SLC1A4: variants seen among roughly 807,000 people sequenced by gnomAD.
SLC1A4 encodes neutral amino acid transporter A.
Under a neutral mutation model 37.7 loss-of-function variants are expected in SLC1A4, and 19 were observed. That is an observed-to-expected ratio of 0.50 (90% CI 0.35 to 0.74). SLC1A4 has a LOEUF of 0.74. Ranked by LOEUF, SLC1A4 falls within the 30% of genes least tolerant of loss-of-function variation. The probability of loss-of-function intolerance (pLI) is 0.01; values close to 1 mark genes in which losing one functional copy is unlikely to be tolerated. For synonymous variants in SLC1A4, 299 were observed against 309.8 expected (o/e 0.97, Z 0.37); for missense variants, 570 against 712.9 (o/e 0.80, Z 2.28).
intron 1 of SLC1A4, among the ~76,000 whole-genome samples, chr2:64,998,173 C>T (rs957449069): frequency 8.6e-5 from 13 of 152,020 alleles, no homozygotes; most frequent in Non-Finnish European, 1.9e-4. Flanking sequence ...GGAGGCGGAG[C>T]TTTCAGTGAG....
At chr2:65,003,916 G>A (rs1365456673) in intron 2 of SLC1A4, 37 bp from the exon 3 acceptor site, 1 of 1,573,002 alleles carries the variant, frequency 6.4e-7, no homozygotes, top group African/African-American at 1.4e-5. Context: ...CTTCACCTGT[G>A]CACTAACAGT....
Position 65,010,627 on chromosome 2 carries a change from A to G in SLC1A4, c.664A>G (p.Asn222Asp). 1 of 1,613,488 alleles carries G rather than the reference A, an allele frequency of 6.2e-7. No individual in the cohort carries two copies. Residue 222 changes from asparagine to aspartate, a missense_variant, in exon 4 of 8, where the codon AAC (asparagine) becomes GAC (aspartate). By Grantham distance (23) the Asn-to-Asp change is conservative (BLOSUM62 1). Coordinates refer to ENST00000234256, the MANE Select transcript of SLC1A4 (RefSeq NM_003038.5). The part of the protein sequence containing the change: ...IPIGTEIEGM[N>D]ILGLVLFALV... ...CATAGGCACTGAGATAGAAGGGATG[A>G]ACATTTTAGGATTGGTCCTGTTTGC...
At chr2:65,012,691 T>C (rs573960167) in intron 4 of SLC1A4, among the ~76,000 whole-genome samples, 1 of 152,336 alleles carries the variant, frequency 6.6e-6, no homozygotes, top group Admixed American at 6.5e-5. Flanking sequence ...TCAAGTTCTT[T>C]TCTTGGCTTT....
intron 4 of SLC1A4, 112 bp from the exon 5 acceptor site, chr2:65,016,328 G>A (rs1474784441): frequency 2.4e-6 from 2 of 822,056 alleles, no homozygotes; most frequent in Admixed American, 1.9e-5. Context: ...TTATCCTAGG[G>A]AGAGATGAAG....
At chr2:65,012,608 C>T (rs1197704385) in intron 4 of SLC1A4, among the ~76,000 whole-genome samples, 1 of 152,150 alleles carries the variant, frequency 6.6e-6, no homozygotes, top group Non-Finnish European at 1.5e-5. Context: ...TCTATCACTG[C>T]CAATGCCATT....
At position 65,018,760 on chromosome 2, in the gene SLC1A4, GC is replaced by G; in HGVS notation, c.1364+82del. ...CTTAGCACTGCTGGGCCTGGGCCAT[GC>G]AGAGAAACTTCAGACACACTCCAGC... On this transcript the variant is annotated intron_variant, in intron 7 of 7. Transcript: ENST00000234256. This position sits in a 1 kb window ranked among gnomAD's most constrained non-coding sequence, Gnocchi z 4.3. 6.6e-7 allele frequency: 1 copy of G among 1,522,468 alleles called. No individual in the cohort carries two copies. Among genetic ancestry groups the G allele is most frequent in the African/African-American group, 1.4e-5 (1 of 73,018 alleles). 94.3% of individuals were successfully genotyped at this position (1,522,468 alleles called of 1,614,324 possible).
At chr2:65,017,167 A>T (rs1294498985) in intron 5 of SLC1A4, among the ~76,000 whole-genome samples, 2 of 152,262 alleles carry the variant, frequency 1.3e-5, no homozygotes, top group African/African-American at 4.8e-5. Flanking sequence ...TCAAAAATGC[A>T]TTGCAGGGAA....
intron 5 of SLC1A4, among the ~76,000 whole-genome samples, chr2:65,017,666 G>T (rs1364202756): frequency 1.3e-5 from 2 of 152,062 alleles, no homozygotes; most frequent in African/African-American, 4.8e-5. Flanking sequence ...GCCATTTCTG[G>T]GTTTTGGCCT....
intron 3 of SLC1A4, among the ~76,000 whole-genome samples, chr2:65,005,578 C>A (rs770966132): frequency 6.6e-6 from 1 of 152,100 alleles, no homozygotes; most frequent in African/African-American, 2.4e-5. Flanking sequence ...AGACACTTTC[C>A]GACGTTATTT....
chr2:65,004,966 CT>C (rs1470915480), intron 3 of SLC1A4, among the ~76,000 whole-genome samples: 1 of 152,194 alleles, frequency 6.6e-6, no homozygotes, highest in African/African-American at 2.4e-5. Context: ...AACATTATGT[CT>C]CATACTAGTG....
At position 65,018,274 on chromosome 2, in the gene SLC1A4, C is replaced by T. The variant is rs757409569; in HGVS notation, c.1229+9C>T. The T allele has an allele frequency of 6.2e-7, 1 of 1,608,232 alleles. No homozygotes were observed. Among genetic ancestry groups the T allele is most frequent in the South Asian group, 1.1e-5 (1 of 90,972 alleles). The stretch of plus-strand genomic sequence containing the variant: ...CAGATTTTCACCATTCTGTAAGTTC[C>T]TCATTCTTTCCCTGGCTCAAAACTG... On this transcript the variant is annotated intron_variant, in intron 6 of 7. Coordinates refer to ENST00000234256, the MANE Select transcript of SLC1A4 (RefSeq NM_003038.5). This position sits in a 1 kb window ranked among gnomAD's most constrained non-coding sequence, Gnocchi z 4.3.
chr2:64,989,355 C>G (rs1201676171), upstream of SLC1A4: 1 of 295,594 alleles, frequency 3.4e-6, no homozygotes, highest in African/African-American at 2.2e-5. Context: ...GCGCGCCCTC[C>G]TACTTCCCCG....
At chr2:65,003,432 C>G (rs1490895476) in intron 2 of SLC1A4, among the ~76,000 whole-genome samples, 4 of 152,242 alleles carry the variant, frequency 2.6e-5, no homozygotes, top group Non-Finnish European at 5.9e-5. Context: ...ATGATGCCAT[C>G]TTGCCTCACA....
rs1282916185 is a variant in SLC1A4 at position 65,016,617 on chromosome 2, CAG to C, written c.980_981del (p.Arg327IlefsTer30). On this transcript the variant is annotated frameshift_variant, in exon 5 of 8. Transcript: ENST00000234256. LOFTEE classifies it high-confidence loss of function. ...YFVFTRKNPF[R>X]FLLGLLAPFA... The stretch of plus-strand genomic sequence containing the variant: ...TTGTTTTCACACGAAAAAACCCATT[CAG>C]ATTCCTCCTGGGCCTCCTCGCCCCA... 1 of 1,614,194 alleles carries C rather than the reference CAG, an allele frequency of 6.2e-7. No homozygotes were observed. The highest frequency in any genetic ancestry group is 1.1e-5 in the South Asian group (1 of 91,082).
Position 65,016,411 on chromosome 2 carries a change from C to G in SLC1A4, c.801-29C>G, listed in dbSNP as rs184876525. 3.9e-5 allele frequency: 62 copies of G among 1,571,642 alleles called. No homozygotes were observed. The Admixed American group carries it at 1.0e-3, about 26-fold the overall frequency. On this transcript the variant is annotated intron_variant, in intron 4 of 7. Transcript: ENST00000234256. The stretch of plus-strand genomic sequence containing the variant: ...TCTCTCACCCCAGCTTTATCCCCCA[C>G]TGATGAGTACCCTGTGCTTGTGCCC...
In SLC1A4 at chr2:65,021,925, C is replaced by T. The variant is rs755422434; in HGVS notation, c.*779C>T. 6.6e-6 allele frequency: 1 copy of T among 152,312 alleles called. No homozygotes were observed. The highest frequency in any genetic ancestry group is 1.5e-5 in the Non-Finnish European group (1 of 68,090). The allele number at this position is 152,312 out of a possible 1,614,324, so 9.4% of individuals were successfully genotyped here. Reference sequence around the variant, plus strand: ...CAATTGTCCCAGTTCGCATCCCAGCCCTGGGGCACTTTTCTGCTTCCTTCC... The same window carrying T: ...CAATTGTCCCAGTTCGCATCCCAGCTCTGGGGCACTTTTCTGCTTCCTTCC... On this transcript the variant is annotated 3_prime_UTR_variant, in exon 8 of 8. Transcript: ENST00000234256.
chr2:65,001,879 G>A (rs1014347207), intron 2 of SLC1A4, among the ~76,000 whole-genome samples: 3 of 152,098 alleles, frequency 2.0e-5, no homozygotes, highest in African/African-American at 7.2e-5. Context: ...ACAAAGAAGT[G>A]TCAGAAAACA....
At chr2:65,003,929 G>T (rs747010378) in intron 2 of SLC1A4, 24 bp from the exon 3 acceptor site, 11 of 1,596,246 alleles carry the variant, frequency 6.9e-6, no homozygotes, top group Non-Finnish European at 9.4e-6. Context: ...CTAACAGTGG[G>T]TTTTTTTTTC....
At position 65,021,093 on chromosome 2, in the gene SLC1A4, G is replaced by A. The variant is rs781570551; in HGVS notation, c.1546G>A (p.Ala516Thr). ...TSPLVTHQNP[A>T]GPVASAPELE... ...GCCCCTGGTGACACACCAGAACCCCGCTGGCCCCGTGGCCAGTGCCCCAGA... is the reference window on the plus strand; with the variant it reads ...GCCCCTGGTGACACACCAGAACCCCACTGGCCCCGTGGCCAGTGCCCCAGA... Residue 516 changes from alanine (A) to threonine (T), a missense_variant, in exon 8 of 8, where the codon GCT (alanine) becomes ACT (threonine). Ala to Thr is a moderately conservative substitution (Grantham distance 58). Coordinates refer to ENST00000234256, the MANE Select transcript of SLC1A4 (RefSeq NM_003038.5). 8.1e-6 allele frequency: 13 copies of A among 1,614,196 alleles called. No individual in the cohort carries two copies. Among genetic ancestry groups the A allele is most frequent in the East Asian group, 2.2e-5 (1 of 44,882 alleles).
Sources: allele counts gnomAD v4.1 joint callset (sites outside exome capture counted in the v4.1 genomes callset), GRCh38; gene constraint gnomAD v4.1.1; non-coding constraint Gnocchi (gnomAD v3.1); transcripts MANE v1.5; gene names NCBI Gene and HGNC (gene_info 2026-07-23, HGNC 2026-07-21).